HAPLN4: variants seen among roughly 807,000 people sequenced by gnomAD.
The protein encoded by HAPLN4 is brain link protein 2.
Under a neutral mutation model 28.0 loss-of-function variants are expected in HAPLN4, and 19 were observed. The observed-to-expected ratio is 0.68, with a 90% CI of 0.47 to 1.00. The LOEUF is 1.00. Ranked by LOEUF, HAPLN4 falls within the 50% of genes least tolerant of loss-of-function variation. HAPLN4 has a pLI of 0.00. For synonymous variants in HAPLN4, 274 were observed against 273.0 expected (o/e 1.00, Z -0.03); for missense variants, 587 against 602.6 (o/e 0.97, Z 0.27).
chr19:19,259,227 C>G (rs2060976279), intron 3 of HAPLN4, among the ~76,000 whole-genome samples: 1 of 152,152 alleles, frequency 6.6e-6, no homozygotes, highest in Non-Finnish European at 1.5e-5. Flanking sequence ...AGTACTGGGT[C>G]CCTCCCTCTG....
At position 19,258,082 on chromosome 19, in the gene HAPLN4, AGCAGCT is replaced by A; in HGVS notation, c.938_943del (p.Gln313_Leu314del). On this transcript the variant is annotated inframe_deletion, in exon 5 of 5. Transcript: ENST00000291481. The surrounding 1 kb of genome is among the most constrained non-coding windows in gnomAD (Gnocchi z 6.2). ...CAGCCAACCCGCGGTGCAGCGGTCT[AGCAGCT>A]GCAGCTTCCACGCGGCGAACAGCTG... 1 of 1,556,024 alleles carries A rather than the reference AGCAGCT, an allele frequency of 6.4e-7. No individual in the cohort carries two copies. Among genetic ancestry groups the A allele is most frequent in the Non-Finnish European group, 8.6e-7 (1 of 1,158,064 alleles).
rs1464661771 is a variant in HAPLN4, at chr19:19,257,752, G to A, written c.*65C>T. ...TCCAGGGCTTCAAGGGCGTGGCCAG[G>A]CTCCAGGGGACCACAGGGCTCTAGA... On this transcript the variant is annotated 3_prime_UTR_variant, in exon 5 of 5. Transcript: ENST00000291481. 3 of 1,366,328 alleles carry A rather than the reference G, an allele frequency of 2.2e-6. No homozygotes were observed. The highest frequency in any genetic ancestry group is 2.0e-5 in the South Asian group (1 of 50,586). The allele number at this position is 1,366,328 out of a possible 1,614,324, so 84.6% of individuals were successfully genotyped here. A position where few individuals can be genotyped will look rare whatever the true frequency, so the allele number is the denominator to read the frequency against.
intron 1 of HAPLN4, among the ~76,000 whole-genome samples, chr19:19,262,247 A>G (rs1179496471): frequency 1.4e-5 from 2 of 141,196 alleles, no homozygotes; most frequent in East Asian, 2.1e-4. Flanking sequence ...GACAGAGAGG[A>G]AGAGACAGAG....
At chr19:19,260,559 G>GT (rs2060979397) in intron 3 of HAPLN4, among the ~76,000 whole-genome samples, 1 of 152,182 alleles carries the variant, frequency 6.6e-6, no homozygotes. Flanking sequence ...CTGGTAGGAT[G>GT]TATAGCTGCA....
At chr19:19,259,170 T>C (rs2060976116) in intron 3 of HAPLN4, among the ~76,000 whole-genome samples, 1 of 152,096 alleles carries the variant, frequency 6.6e-6, no homozygotes, top group Non-Finnish European at 1.5e-5. Context: ...AAAATCCAAC[T>C]CCCAAACCCT....
Position 19,257,349 on chromosome 19 carries a change from C to G in HAPLN4, c.*468G>C, listed in dbSNP as rs934295788. ...GGTGAGGAGGAGGGGGAGGAGGAGGCGCCCAGTGTCCCACGTGACCGCAAG... is the reference window on the plus strand; with the variant it reads ...GGTGAGGAGGAGGGGGAGGAGGAGGGGCCCAGTGTCCCACGTGACCGCAAG... On this transcript the variant is annotated 3_prime_UTR_variant, in exon 5 of 5. Transcript: ENST00000291481. 1 of 155,686 alleles carries G rather than the reference C, an allele frequency of 6.4e-6. No individual in the cohort carries two copies. The highest frequency in any genetic ancestry group is 1.9e-4 in the East Asian group (1 of 5,276). 9.6% of individuals were successfully genotyped at this position (155,686 alleles called of 1,614,324 possible). A position where few individuals can be genotyped will look rare whatever the true frequency, so the allele number is the denominator to read the frequency against.
intron 1 of HAPLN4, among the ~76,000 whole-genome samples, chr19:19,262,137 G>T (rs991040102): frequency 2.0e-5 from 3 of 151,926 alleles, no homozygotes; most frequent in Admixed American, 6.6e-5. Flanking sequence ...TAGAGGGAGA[G>T]ACAGAGATGG....
chr19:19,258,440 C>A lies in HAPLN4; in HGVS notation c.817+83G>T, dbSNP rs2060973165. On this transcript the variant is annotated intron_variant, in intron 4 of 4. Coordinates refer to ENST00000291481, the MANE Select transcript of HAPLN4 (RefSeq NM_023002.3). The surrounding 1 kb of genome is among the most constrained non-coding windows in gnomAD (Gnocchi z 6.2). ...GGGAGAGGGGTCTCCTGTTTCTGAT[C>A]GCTAAGAGCTGGGTGGGGAAGAAGG... is the stretch of plus-strand genomic sequence containing the variant. 7.1e-7 allele frequency: 1 copy of A among 1,400,668 alleles called. No individual in the cohort carries two copies. 86.8% of individuals were successfully genotyped at this position (1,400,668 alleles called of 1,614,324 possible). A position where few individuals can be genotyped will look rare whatever the true frequency, so the allele number is the denominator to read the frequency against.
rs778587478 is a variant in HAPLN4 at position 19,258,721 on chromosome 19, C to G, written c.619G>C (p.Asp207His). The G allele has an allele frequency of 2.5e-6, 4 of 1,604,574 alleles. No individual in the cohort carries two copies. The highest frequency in any genetic ancestry group is 1.1e-5 in the South Asian group (1 of 90,366). ...QLHAAWRDGL[D>H]WCNAGWLRDG... ...CGCAACCAGCCCGCGTTGCACCAGT[C>G]CAGGCCGTCGCGCCAGGCCGCGTGC... The change falls in exon 4 of 5, where the codon GAC (aspartate) becomes CAC (histidine). Residue 207 changes from aspartate to histidine, a missense_variant. Physicochemically the swap from Asp to His is moderately conservative, Grantham distance 81. Coordinates refer to ENST00000291481, the MANE Select transcript of HAPLN4 (RefSeq NM_023002.3). The surrounding 1 kb of genome is among the most constrained non-coding windows in gnomAD (Gnocchi z 6.2).
In HAPLN4 at chr19:19,258,442, C is replaced by T. The variant is rs145531491; in HGVS notation, c.817+81G>A. On this transcript the variant is annotated intron_variant, in intron 4 of 4. Coordinates refer to ENST00000291481, the MANE Select transcript of HAPLN4 (RefSeq NM_023002.3). The surrounding 1 kb of genome is among the most constrained non-coding windows in gnomAD (Gnocchi z 6.2). ...GAGAGGGGTCTCCTGTTTCTGATCG[C>T]TAAGAGCTGGGTGGGGAAGAAGGCC... 24,784 of 1,427,160 alleles carry T rather than the reference C, an allele frequency of 0.017. 787 individuals are homozygous for T. The highest frequency in any genetic ancestry group is 0.1 in the South Asian group (8,540 of 82,790). 88.4% of individuals were successfully genotyped at this position (1,427,160 alleles called of 1,614,324 possible).
Position 19,257,584 on chromosome 19 carries a change from TG to T in HAPLN4, c.*232del. 2.4e-6 allele frequency: 1 copy of T among 412,662 alleles called. No individual in the cohort carries two copies. The highest frequency in any genetic ancestry group is 4.1e-6 in the Non-Finnish European group (1 of 244,704). 25.6% of individuals were successfully genotyped at this position (412,662 alleles called of 1,614,324 possible). On this transcript the variant is annotated 3_prime_UTR_variant, in exon 5 of 5. Coordinates refer to ENST00000291481, the MANE Select transcript of HAPLN4 (RefSeq NM_023002.3). ...ACCCTCATGGAGAAAGTTGGGGAGT[TG>T]GGGGAATCCTCTATCCAGAAGAGGT... is the stretch of plus-strand genomic sequence containing the variant.
chr19:19,257,971 G>C lies in HAPLN4; in HGVS notation c.1055C>G (p.Pro352Arg). The C allele has an allele frequency of 6.6e-7, 1 of 1,513,506 alleles. No individual in the cohort carries two copies. The highest frequency in any genetic ancestry group is 8.8e-7 in the Non-Finnish European group (1 of 1,138,114). The allele number at this position is 1,513,506 out of a possible 1,614,324, so 93.8% of individuals were successfully genotyped here. Residue 352 changes from proline (P) to arginine (R), a missense_variant, in exon 5 of 5, where the codon CCG (proline) becomes CGG (arginine). Pro to Arg is a moderately radical substitution (Grantham distance 103). Transcript: ENST00000291481. ...GCCGAAGAGCCGTCGGGTGGCGTCC[G>C]GGAAGCCGAGGCTGCGCACACCAGG... ...RRPGVRSLGF[P>R]DATRRLFGVY...
Position 19,261,534 on chromosome 19 carries a change from G to A in HAPLN4, c.33C>T (p.Gly11=), listed in dbSNP as rs774874091. 4 of 1,595,262 alleles carry A rather than the reference G, an allele frequency of 2.5e-6. No individual in the cohort carries two copies. The East Asian group carries it at 9.1e-5, about 36-fold the overall frequency. The change falls in exon 2 of 5, where the codon GGC becomes GGT. Residue 11 remains glycine, a synonymous_variant. Transcript: ENST00000291481. MVCARAALGP[G]ALWAAAWGVL... The stretch of plus-strand genomic sequence containing the variant: ...CGCCCCAGGCCGCGGCCCAGAGCGC[G>A]CCGGGACCGAGGGCCGCCCGAGCGC...
chr19:19,260,321 A>G (rs530143158), intron 3 of HAPLN4, among the ~76,000 whole-genome samples: 18 of 152,096 alleles, frequency 1.2e-4, no homozygotes, highest in African/African-American at 3.9e-4. Context: ...GGTTCAAGAG[A>G]TTTTCCTGCC....
chr19:19,261,637 C>T (rs1351439372), intron 1 of HAPLN4, 74 bp from the exon 2 acceptor site: 2 of 988,856 alleles, frequency 2.0e-6, no homozygotes, highest in East Asian at 2.9e-5. Context: ...CCCTCCCGGG[C>T]CTGCCTTCCC....
Position 19,257,967 on chromosome 19 carries a change from G to A in HAPLN4, c.1059C>T (p.Asp353=). 6.6e-7 allele frequency: 1 copy of A among 1,513,616 alleles called. No individual in the cohort carries two copies. Among genetic ancestry groups the A allele is most frequent in the Non-Finnish European group, 8.8e-7 (1 of 1,138,090 alleles). 93.8% of individuals were successfully genotyped at this position (1,513,616 alleles called of 1,614,324 possible). Residue 353 remains aspartate (D), a synonymous_variant, in exon 5 of 5, where the codon GAC becomes GAT. Transcript: ENST00000291481. ...RPGVRSLGFP[D]ATRRLFGVYC... ...AGACGCCGAAGAGCCGTCGGGTGGC[G>A]TCCGGGAAGCCGAGGCTGCGCACAC...
At position 19,258,041 on chromosome 19, in the gene HAPLN4, G is replaced by A. The variant is rs2146568963; in HGVS notation, c.985C>T (p.Arg329Cys). The change falls in exon 5 of 5, where the codon CGC (arginine) becomes TGC (cysteine). Residue 329 changes from arginine (R) to cysteine (C), a missense_variant. Coordinates refer to ENST00000291481, the MANE Select transcript of HAPLN4 (RefSeq NM_023002.3). This position sits in a 1 kb window ranked among gnomAD's most constrained non-coding sequence, Gnocchi z 6.2. ...TAGWLADGSA[R>C]YPIVNPRARC... Reference sequence around the variant, plus strand: ...GCTCGCGGGTTCACGATGGGGTAGCGCGCACTGCCATCGGCCAGCCAACCC... The same window carrying A: ...GCTCGCGGGTTCACGATGGGGTAGCACGCACTGCCATCGGCCAGCCAACCC... 6.5e-7 allele frequency: 1 copy of A among 1,546,280 alleles called. No homozygotes were observed. The highest frequency in any genetic ancestry group is 1.4e-5 in the African/African-American group (1 of 73,282).
rs140206560 is a variant in HAPLN4, at chr19:19,261,765, T to TCC, written c.4-204_4-203dup. On this transcript the variant is annotated intron_variant, in intron 1 of 4. Coordinates refer to ENST00000291481, the MANE Select transcript of HAPLN4 (RefSeq NM_023002.3). ...TCTGCAAGAACCCACGCCCCTAGAC[T>TCC]CCCCCCCGCCCTCAGTCCTGCCCCA... is the stretch of plus-strand genomic sequence containing the variant. 79 of 467,354 alleles carry TCC rather than the reference T, an allele frequency of 1.7e-4. No individual in the cohort carries two copies. In the East Asian group the frequency reaches 2.8e-3, roughly 17 times the overall value. The allele number at this position is 467,354 out of a possible 1,614,324, so 29.0% of individuals were successfully genotyped here. A position where few individuals can be genotyped will look rare whatever the true frequency, so the allele number is the denominator to read the frequency against.
Position 19,257,615 on chromosome 19 carries a change from G to T in HAPLN4, c.*202C>A, listed in dbSNP as rs551369552. The T allele has an allele frequency of 4.8e-5, 24 of 501,272 alleles. No homozygotes were observed. The highest frequency in any genetic ancestry group is 4.6e-4 in the African/African-American group (23 of 49,840). 31.1% of individuals were successfully genotyped at this position (501,272 alleles called of 1,614,324 possible). A position where few individuals can be genotyped will look rare whatever the true frequency, so the allele number is the denominator to read the frequency against. Reference sequence around the variant, plus strand: ...AATCCTCTATCCAGAAGAGGTGAGGGCTGGCCAGGCTCCAGGGAACTCCAA... The same window carrying T: ...AATCCTCTATCCAGAAGAGGTGAGGTCTGGCCAGGCTCCAGGGAACTCCAA... On this transcript the variant is annotated 3_prime_UTR_variant, in exon 5 of 5. Transcript: ENST00000291481.
Sources: allele counts gnomAD v4.1 joint callset (sites outside exome capture counted in the v4.1 genomes callset), GRCh38; gene constraint gnomAD v4.1.1; non-coding constraint Gnocchi (gnomAD v3.1); transcripts MANE v1.5; gene names NCBI Gene and HGNC (gene_info 2026-07-23, HGNC 2026-07-21).